NCAM2: variants seen among roughly 807,000 people sequenced by gnomAD.
NCAM2 encodes the protein neural cell adhesion molecule 2.
NCAM2 carries 30 observed loss-of-function variants against 98.1 expected under a neutral mutation model. That is an observed-to-expected ratio of 0.31 (90% CI 0.23 to 0.41). NCAM2 has a LOEUF of 0.41. Ranked by LOEUF, NCAM2 falls within the 10% of genes least tolerant of loss-of-function variation. NCAM2 has a pLI of 1.00. For missense variants in NCAM2, 867 were observed against 1,005.8 expected (o/e 0.86, Z 1.87); for synonymous variants, 368 against 342.4 (o/e 1.07, Z -0.83).
intron 8 of NCAM2, among the ~76,000 whole-genome samples, chr21:21,343,067 A>G (rs2075089042): frequency 6.6e-6 from 1 of 152,200 alleles, no homozygotes; most frequent in Admixed American, 6.6e-5. Flanking sequence ...AAATAATTGA[A>G]AAGTCAGAAG....
intron 9 of NCAM2, among the ~76,000 whole-genome samples, 181 bp downstream of exon 9, chr21:21,374,194 A>G (rs1225159887): frequency 6.6e-6 from 1 of 151,862 alleles, no homozygotes; most frequent in African/African-American, 2.4e-5. Flanking sequence ...ATTACAGGAT[A>G]TTTCACAGTG....
chr21:21,484,145 A>T (rs1986138242), intron 15 of NCAM2, among the ~76,000 whole-genome samples: 1 of 152,078 alleles, frequency 6.6e-6, no homozygotes, highest in Non-Finnish European at 1.5e-5. Context: ...CATATAAGGG[A>T]TCAGTGACAG....
At position 21,280,665 on chromosome 21, in the gene NCAM2, G is replaced by C; in HGVS notation, c.130+13G>C. On this transcript the variant is annotated intron_variant, in intron 2 of 17. Coordinates refer to ENST00000400546, the MANE Select transcript of NCAM2 (RefSeq NM_004540.5). ...TTCACATGTACAGGTACGTATTTCT[G>C]TAAATACCTTCAGATAACGTGGTTT... is the stretch of plus-strand genomic sequence containing the variant. 1 of 1,472,406 alleles carries C rather than the reference G, an allele frequency of 6.8e-7. No individual in the cohort carries two copies. The highest frequency in any genetic ancestry group is 1.3e-5 in the South Asian group (1 of 77,850). The allele number at this position is 1,472,406 out of a possible 1,614,324, so 91.2% of individuals were successfully genotyped here. A position where few individuals can be genotyped will look rare whatever the true frequency, so the allele number is the denominator to read the frequency against.
intron 1 of NCAM2, among the ~76,000 whole-genome samples, chr21:21,233,352 A>T (rs2070701589): frequency 6.6e-6 from 1 of 151,624 alleles, no homozygotes; most frequent in Admixed American, 6.6e-5. Flanking sequence ...AGTTTATGTC[A>T]TTTAAACTGG....
chr21:21,322,367 G>A (rs1298093758), intron 5 of NCAM2, among the ~76,000 whole-genome samples: 1 of 152,034 alleles, frequency 6.6e-6, no homozygotes, highest in Non-Finnish European at 1.5e-5. Context: ...TAACTATCTG[G>A]ATGACAGAAC....
intron 1 of NCAM2, among the ~76,000 whole-genome samples, chr21:21,175,586 G>C (rs1033876141): frequency 2.6e-5 from 4 of 152,060 alleles, no homozygotes; most frequent in Non-Finnish European, 4.4e-5. Context: ...ATTAAAGATA[G>C]CAAGAAGTGG....
At chr21:21,155,264 C>G (rs1475562338) in intron 1 of NCAM2, among the ~76,000 whole-genome samples, 1 of 151,052 alleles carries the variant, frequency 6.6e-6, no homozygotes, top group Non-Finnish European at 1.5e-5. Flanking sequence ...AACCCATTAT[C>G]TTTTCATACA....
At chr21:21,179,557 T>G (rs2068402339) in intron 1 of NCAM2, among the ~76,000 whole-genome samples, 1 of 152,230 alleles carries the variant, frequency 6.6e-6, no homozygotes, top group African/African-American at 2.4e-5. Flanking sequence ...CCAACAGCTG[T>G]TGTCTTCTTT....
intron 1 of NCAM2, among the ~76,000 whole-genome samples, chr21:21,193,091 C>T (rs8132339): frequency 0.79 from 119,949 of 152,058 alleles, 50,997 homozygotes; most frequent in Non-Finnish European, 0.96. Flanking sequence ...ACAAAAGCTC[C>T]GTTTATGGAT....
chr21:21,474,519 G>A (rs74462385), intron 14 of NCAM2, among the ~76,000 whole-genome samples: 4,741 of 151,430 alleles, frequency 0.031, 258 homozygotes, highest in African/African-American at 0.11. Context: ...TTTTTCTGGG[G>A]TAATTAAGGT....
At position 21,425,040 on chromosome 21, in the gene NCAM2, C is replaced by CAAA. The variant is rs1192128472; in HGVS notation, c.1480+6497_1480+6499dup. 5.8e-3 allele frequency among the ~76,000 whole-genome samples: 254 copies of CAAA among 43,808 alleles called. 22 individuals are homozygous for CAAA. In the East Asian group the frequency reaches 0.062, roughly 11 times the overall value. The allele number at this position is 43,808 out of a possible 152,430, so 28.7% of individuals were successfully genotyped here. ...GACAAAAGCGGGACTCTTCCTCCTC[C>CAAA]AAAAAAAAAAAAAAAAAAAAAAAAA... On this transcript the variant is annotated intron_variant, in intron 11 of 17. Coordinates refer to ENST00000400546, the MANE Select transcript of NCAM2 (RefSeq NM_004540.5).
chr21:21,264,383 A>C (rs1169301840), intron 1 of NCAM2, among the ~76,000 whole-genome samples: 1 of 152,070 alleles, frequency 6.6e-6, no homozygotes, highest in Admixed American at 6.6e-5. Flanking sequence ...GGAAACACTT[A>C]TACATCATCA....
At chr21:21,049,829 C>T (rs985888467) in intron 1 of NCAM2, among the ~76,000 whole-genome samples, 34 of 151,784 alleles carry the variant, frequency 2.2e-4, no homozygotes, top group Admixed American at 1.8e-3. Flanking sequence ...CAAGATTGCG[C>T]CATTGCACTC....
rs534294655 is a variant in NCAM2 at position 21,122,941 on chromosome 21, G to A, written c.55+124323G>A. Among the ~76,000 whole-genome samples the A allele has an allele frequency of 3.9e-5, 6 of 152,312 alleles. No homozygotes were observed. The South Asian group carries it at 8.3e-4, about 21-fold the overall frequency. ...TTGTGAGAAACAAATCCAGCAAGGTGATTGTCCCGAATGAACCTTCCTCAG... is the reference window on the plus strand; with the variant it reads ...TTGTGAGAAACAAATCCAGCAAGGTAATTGTCCCGAATGAACCTTCCTCAG... On this transcript the variant is annotated intron_variant, in intron 1 of 17. Transcript: ENST00000400546.
intron 16 of NCAM2, among the ~76,000 whole-genome samples, chr21:21,530,483 TA>T (rs1989629683): frequency 6.6e-6 from 1 of 150,776 alleles, no homozygotes; most frequent in Admixed American, 6.6e-5. Context: ...TAAGCATTAA[TA>T]TTTTTTTCCT....
intron 1 of NCAM2, among the ~76,000 whole-genome samples, chr21:21,256,405 A>G (rs1277912768): frequency 6.6e-6 from 1 of 152,170 alleles, no homozygotes; most frequent in Admixed American, 6.6e-5. Context: ...TTACTAGCCT[A>G]GTATAGACAC....
intron 12 of NCAM2, among the ~76,000 whole-genome samples, chr21:21,451,530 T>A (rs919354017): frequency 6.6e-6 from 1 of 152,168 alleles, no homozygotes; most frequent in Admixed American, 6.6e-5. Flanking sequence ...GACATTTTAG[T>A]AAAATTAAAA....
At chr21:21,009,883 C>CTGTGTGTGTGTGTGTGTGTGTGTGTG (rs5842868) in intron 1 of NCAM2, among the ~76,000 whole-genome samples, 34 of 139,670 alleles carry the variant, frequency 2.4e-4, no homozygotes, top group Non-Finnish European at 4.8e-4. Flanking sequence ...CCTCTGATAG[C>CTGTGTGTGTGTGTGTGTGTGTGTGTG]TGTGTGTGTG....
chr21:21,361,905 T>C (rs905225168), intron 8 of NCAM2, among the ~76,000 whole-genome samples: 1 of 152,200 alleles, frequency 6.6e-6, no homozygotes, highest in African/African-American at 2.4e-5. Flanking sequence ...ATTTTTTAAC[T>C]GTTACTTTTG....
Sources: gnomAD v4.1 joint callset for allele counts (sites outside exome capture counted in the v4.1 genomes callset) on GRCh38, gnomAD v4.1.1 for gene constraint, MANE v1.5 for transcripts, NCBI Gene and HGNC (gene_info 2026-07-23, HGNC 2026-07-21) for gene names.